The following PPFIBP1 variants were observed in gnomAD, a reference collection of about 807,000 sequenced individuals.
PPFIBP1 encodes the protein PPFIB scaffold protein 1.
A neutral mutation model predicts 137.8 loss-of-function variants in PPFIBP1; 112 were observed. That is an observed-to-expected ratio of 0.81 (90% CI 0.70 to 0.95). PPFIBP1 has a LOEUF of 0.95. Ranked by LOEUF, PPFIBP1 falls within the 40% of genes least tolerant of loss-of-function variation. PPFIBP1 has a pLI of 0.00. For synonymous variants in PPFIBP1, 378 were observed against 417.3 expected, an observed-to-expected ratio of 0.91 and a Z score of 1.15; for missense variants, 1,083 against 1,196.6, an observed-to-expected ratio of 0.91 and a Z score of 1.40.
chr12:27,638,190 T>G lies in PPFIBP1; in HGVS notation c.270+3075T>G, dbSNP rs116609665. Among the ~76,000 whole-genome samples the G allele has an allele frequency of 7.8e-3, 1,189 of 152,246 alleles. 15 individuals are homozygous for G. The highest frequency in any genetic ancestry group is 0.027 in the African/African-American group (1,128 of 41,532). ...ACTTACTACCACTGAACTGTACACT[T>G]TAAAATGGTTAAAATGCTAAATTTT... is the stretch of plus-strand genomic sequence containing the variant. On this transcript the variant is annotated intron_variant, in intron 4 of 29. Transcript: ENST00000228425.
chr12:27,625,123 G>A (rs189982382), intron 2 of PPFIBP1, among the ~76,000 whole-genome samples: 26 of 151,998 alleles, frequency 1.7e-4, no homozygotes, highest in African/African-American at 6.0e-4. Flanking sequence ...TAAGCCAGGT[G>A]TGGTAGTCCC....
chr12:27,633,407 A>G lies in PPFIBP1; in HGVS notation c.11A>G (p.Asp4Gly). 6.2e-7 allele frequency: 1 copy of G among 1,613,664 alleles called. No individual in the cohort carries two copies. Among genetic ancestry groups the G allele is most frequent in the Non-Finnish European group, 8.5e-7 (1 of 1,179,792 alleles). The change falls in exon 3 of 30, where the codon GAT becomes GGT. Residue 4 changes from aspartate (D) to glycine (G), a missense_variant. Transcript: ENST00000228425. The part of the protein sequence containing the change: MMS[D>G]ASDMLAAALE... ...CTGACAAATAATAAAATGATGAGTG[A>G]TGCAAGTGACATGTTGGCTGCAGCG...
intron 2 of PPFIBP1, among the ~76,000 whole-genome samples, chr12:27,604,552 A>G (rs145217499): frequency 2.1e-4 from 32 of 152,290 alleles, no homozygotes; most frequent in African/African-American, 7.0e-4. Flanking sequence ...ATTTCTGTCC[A>G]TCCTATTCTT....
At chr12:27,589,236 A>T (rs1169080514) in intron 2 of PPFIBP1, among the ~76,000 whole-genome samples, 1 of 152,080 alleles carries the variant, frequency 6.6e-6, no homozygotes, top group Non-Finnish European at 1.5e-5. Context: ...GGACTTTAGC[A>T]CTCTCTAGGA....
At position 27,550,991 on chromosome 12, in the gene PPFIBP1, ATTTT is replaced by A. The variant is rs9300174; in HGVS notation, c.-124+26636_-124+26639del. On this transcript the variant is annotated intron_variant, in intron 1 of 29. Coordinates refer to ENST00000228425, the MANE Select transcript of PPFIBP1 (RefSeq NM_003622.4). ...GGGCACTAATTTTATATATATATAT[ATTTT>A]TTTTTTTTTAACAAACGTGAAAACT... Among the ~76,000 whole-genome samples, 307 of 136,716 alleles carry A rather than the reference ATTTT, an allele frequency of 2.2e-3. 2 individuals are homozygous for A. The highest frequency in any genetic ancestry group is 0.016 in the South Asian group (71 of 4,324). 89.7% of individuals were successfully genotyped at this position (136,716 alleles called of 152,430 possible). A position where few individuals can be genotyped will look rare whatever the true frequency, so the allele number is the denominator to read the frequency against.
chr12:27,621,604 G>A (rs2056348595), intron 2 of PPFIBP1, among the ~76,000 whole-genome samples: 2 of 152,130 alleles, frequency 1.3e-5, no homozygotes, highest in African/African-American at 2.4e-5. Context: ...CTGGCCAGGA[G>A]CACGTATGCT....
At chr12:27,541,252 T>TGA (rs549612138) in intron 1 of PPFIBP1, among the ~76,000 whole-genome samples, 125 of 150,848 alleles carry the variant, frequency 8.3e-4, no homozygotes, top group African/African-American at 2.8e-3. Context: ...TGTGTGTGTG[T>TGA]GAGAGAGAGA....
rs138219643 is a variant in PPFIBP1, at chr12:27,606,949, T to G, written c.-35-26413T>G. Among the ~76,000 whole-genome samples, 7 of 152,318 alleles carry G rather than the reference T, an allele frequency of 4.6e-5. No individual in the cohort carries two copies. In the East Asian group the frequency reaches 1.2e-3, roughly 25 times the overall value. ...TTATATATAGCAATGAAAATCAGATTTCAATGTGCATTGAAAATGCAAATC... is the reference window on the plus strand; with the variant it reads ...TTATATATAGCAATGAAAATCAGATGTCAATGTGCATTGAAAATGCAAATC... On this transcript the variant is annotated intron_variant, in intron 2 of 29. Coordinates refer to ENST00000228425, the MANE Select transcript of PPFIBP1 (RefSeq NM_003622.4).
chr12:27,657,375 T>A (rs898304148), intron 9 of PPFIBP1, among the ~76,000 whole-genome samples: 11 of 151,814 alleles, frequency 7.2e-5, no homozygotes, highest in Non-Finnish European at 1.6e-4. Context: ...TAAAATTATA[T>A]TTGGAAATAT....
chr12:27,554,353 A>G (rs1947068635), intron 1 of PPFIBP1, among the ~76,000 whole-genome samples: 2 of 152,264 alleles, frequency 1.3e-5, no homozygotes, highest in Admixed American at 1.3e-4. Context: ...GATATACACT[A>G]GGAGGAAATG....
intron 1 of PPFIBP1, among the ~76,000 whole-genome samples, chr12:27,542,354 G>A (rs577650142): frequency 1.9e-4 from 29 of 152,150 alleles, no homozygotes; most frequent in Non-Finnish European, 3.2e-4. Flanking sequence ...ATGTGTGTGG[G>A]TATCCTGGAA....
chr12:27,593,379 A>G (rs11830009), intron 2 of PPFIBP1: 111,742 of 452,414 alleles, frequency 0.25, 14,593 homozygotes, highest in Middle Eastern at 0.3. Flanking sequence ...TTCCTATCCT[A>G]TGAGGCATCT....
chr12:27,589,880 T>C (rs1187979990), intron 2 of PPFIBP1, among the ~76,000 whole-genome samples: 2 of 152,236 alleles, frequency 1.3e-5, no homozygotes, highest in African/African-American at 4.8e-5. Flanking sequence ...ATTTGTTGAA[T>C]TAAATTTTCA....
chr12:27,627,660 T>C (rs569797600), intron 2 of PPFIBP1, among the ~76,000 whole-genome samples: 16 of 152,300 alleles, frequency 1.1e-4, no homozygotes, highest in African/African-American at 3.4e-4. Context: ...CATCAGTTAG[T>C]CAGCAACCGT....
intron 2 of PPFIBP1, among the ~76,000 whole-genome samples, chr12:27,622,875 G>A (rs568438991): frequency 1.1e-4 from 17 of 152,276 alleles, no homozygotes; most frequent in Admixed American, 2.0e-4. Flanking sequence ...TTAATAAAAA[G>A]AAATACTGAT....
intron 1 of PPFIBP1, among the ~76,000 whole-genome samples, chr12:27,557,435 C>G (rs1394673752): frequency 6.6e-6 from 1 of 152,038 alleles, no homozygotes; most frequent in African/African-American, 2.4e-5. Context: ...TGGGGTTTCA[C>G]CATGTTAGCC....
chr12:27,688,189 CT>C, intron 25 of PPFIBP1, 108 bp from the exon 26 acceptor site: 2 of 1,250,716 alleles, frequency 1.6e-6, no homozygotes, highest in Non-Finnish European at 2.2e-6. Flanking sequence ...GAATTTTTCC[CT>C]TTCTTTTTGC....
intron 2 of PPFIBP1, among the ~76,000 whole-genome samples, chr12:27,605,872 T>G (rs1456825546): frequency 2.0e-5 from 3 of 152,234 alleles, no homozygotes; most frequent in Non-Finnish European, 4.4e-5. Flanking sequence ...ATTAAAATTA[T>G]TGTCTTGAAA....
chr12:27,617,372 G>T (rs1302685886), intron 2 of PPFIBP1, among the ~76,000 whole-genome samples: 1 of 152,172 alleles, frequency 6.6e-6, no homozygotes, highest in East Asian at 1.9e-4. Context: ...CCACAAGATG[G>T]ACTTAATTGG....
Sources: allele counts gnomAD v4.1 joint callset (sites outside exome capture counted in the v4.1 genomes callset), GRCh38; gene constraint gnomAD v4.1.1; transcripts MANE v1.5; gene names NCBI Gene and HGNC (gene_info 2026-07-23, HGNC 2026-07-21).